Variants in EPB41L5 observed in about 807,000 individuals in gnomAD.
EPB41L5 encodes the protein erythrocyte membrane protein band 4.1 like 5.
In EPB41L5, 55 loss-of-function variants were observed where a neutral mutation model predicts 106.6. That is an observed-to-expected ratio of 0.52 (90% CI 0.42 to 0.65). EPB41L5 has a LOEUF of 0.65. EPB41L5 is among the 30% of genes least tolerant of loss of function. EPB41L5 has a pLI of 0.00. For missense variants in EPB41L5, 871 were observed against 882.1 expected (o/e 0.99, Z 0.16); for synonymous variants, 297 against 306.7 (o/e 0.97, Z 0.33).
intron 3 of EPB41L5, among the ~76,000 whole-genome samples, chr2:120,070,833 C>T (rs1450660960): frequency 6.6e-6 from 1 of 151,904 alleles, no homozygotes; most frequent in African/African-American, 2.4e-5. Context: ...TGATAGAAAA[C>T]ATCTCAAAAT....
chr2:120,052,024 A>C (rs542112914), intron 3 of EPB41L5, among the ~76,000 whole-genome samples: 1 of 151,990 alleles, frequency 6.6e-6, no homozygotes, highest in Non-Finnish European at 1.5e-5. Flanking sequence ...ACAGGGTTTC[A>C]CCACATTGGC....
intron 18 of EPB41L5, among the ~76,000 whole-genome samples, chr2:120,141,231 G>T (rs2105490356): frequency 6.6e-6 from 1 of 152,232 alleles, no homozygotes; most frequent in South Asian, 2.1e-4. Context: ...CGAGTGGAAT[G>T]ACAAGTTCTT....
At chr2:120,063,380 G>T (rs1378751881) in intron 3 of EPB41L5, among the ~76,000 whole-genome samples, 4 of 147,990 alleles carry the variant, frequency 2.7e-5, no homozygotes, top group Non-Finnish European at 4.5e-5. Flanking sequence ...GTGTAAAAAT[G>T]ACCATCAAAA....
chr2:120,021,317 G>A (rs1412890735), intron 2 of EPB41L5, among the ~76,000 whole-genome samples: 1 of 150,914 alleles, frequency 6.6e-6, no homozygotes, highest in African/African-American at 2.4e-5. Flanking sequence ...TCCAGTCTGG[G>A]TGACAGCAAG....
intron 21 of EPB41L5, among the ~76,000 whole-genome samples, chr2:120,164,412 A>G (rs1455678839): frequency 6.6e-6 from 1 of 151,682 alleles, no homozygotes; most frequent in African/African-American, 2.4e-5. Context: ...AGGTCTCACT[A>G]TATTGCCCAG....
intron 19 of EPB41L5, among the ~76,000 whole-genome samples, chr2:120,143,494 G>A (rs1443871324): frequency 6.6e-6 from 1 of 152,184 alleles, no homozygotes; most frequent in African/African-American, 2.4e-5. Flanking sequence ...ACAAGGTGAA[G>A]AGTTGGCTGT....
intron 4 of EPB41L5, 91 bp from the exon 5 acceptor site, chr2:120,074,009 C>A: frequency 1.1e-6 from 1 of 926,306 alleles, no homozygotes; most frequent in South Asian, 1.7e-5. Flanking sequence ...TCTTTTGTCT[C>A]ACTTCAGTAG....
intron 6 of EPB41L5, 82 bp downstream of exon 6, chr2:120,075,602 A>G (rs1315606854): frequency 7.0e-7 from 1 of 1,423,066 alleles, no homozygotes; most frequent in Non-Finnish European, 9.9e-7. Flanking sequence ...TATAGTTGTA[A>G]AAAAGAAATG....
rs1004563231 is a variant in EPB41L5, at chr2:120,013,246, G to C, written c.-9+36G>C. The C allele has an allele frequency of 2.6e-5, 4 of 152,508 alleles. No homozygotes were observed. In the South Asian group the frequency reaches 6.2e-4, roughly 24 times the overall value. 9.4% of individuals were successfully genotyped at this position (152,508 alleles called of 1,614,324 possible). A position where few individuals can be genotyped will look rare whatever the true frequency, so the allele number is the denominator to read the frequency against. ...GGCCCGGCGGCGGCGCCGCAGTACA[G>C]TCCGCTGCGCTCCTAGCCGAGTGGA... On this transcript the variant is annotated intron_variant, in intron 1 of 24. Coordinates refer to ENST00000263713, the MANE Select transcript of EPB41L5 (RefSeq NM_020909.4).
In EPB41L5 at chr2:120,175,118, G is replaced by T. The variant is rs1687876161; in HGVS notation, c.*211G>T. On this transcript the variant is annotated 3_prime_UTR_variant, in exon 25 of 25. Coordinates refer to ENST00000263713, the MANE Select transcript of EPB41L5 (RefSeq NM_020909.4). ...CATAGCTGCCCAAAAGAGAGTGTTTGGTCTTGAACTTTCTATACTTTTATA... is the reference window on the plus strand; with the variant it reads ...CATAGCTGCCCAAAAGAGAGTGTTTTGTCTTGAACTTTCTATACTTTTATA... 1.8e-6 allele frequency: 1 copy of T among 548,556 alleles called. No individual in the cohort carries two copies. The highest frequency in any genetic ancestry group is 2.4e-5 in the South Asian group (1 of 41,942). 34.0% of individuals were successfully genotyped at this position (548,556 alleles called of 1,614,324 possible). A position where few individuals can be genotyped will look rare whatever the true frequency, so the allele number is the denominator to read the frequency against.
At chr2:120,158,020 G>A (rs1321327997) in intron 20 of EPB41L5, among the ~76,000 whole-genome samples, 1 of 151,956 alleles carries the variant, frequency 6.6e-6, no homozygotes. Context: ...TAAATTCCTG[G>A]ACACACACAC....
At chr2:120,123,646 C>CT (rs869296989) in intron 16 of EPB41L5, among the ~76,000 whole-genome samples, 18,071 of 68,288 alleles carry the variant, frequency 0.26, 6,256 homozygotes, top group East Asian at 0.56. Flanking sequence ...GTGTTCGTCC[C>CT]TTTTTTTTTT....
intron 10 of EPB41L5, among the ~76,000 whole-genome samples, chr2:120,081,320 T>C (rs1682646557): frequency 6.6e-6 from 1 of 152,230 alleles, no homozygotes; most frequent in South Asian, 2.1e-4. Context: ...TTCAGCTTTC[T>C]ACATACGGCT....
rs556695153 is a variant in EPB41L5 at position 120,146,222 on chromosome 2, T to C, written c.1729-3T>C. On this transcript the variant is annotated splice_region_variant and splice_polypyrimidine_tract_variant and intron_variant, in intron 19 of 24. Transcript: ENST00000263713. ...TACTTTTTTTAATATTTCATTTTCTTAGGTTACAAAAGAAGATAGCTTATT... is the reference window on the plus strand; with the variant it reads ...TACTTTTTTTAATATTTCATTTTCTCAGGTTACAAAAGAAGATAGCTTATT... The C allele has an allele frequency of 1.1e-5, 17 of 1,571,964 alleles. No homozygotes were observed. The highest frequency in any genetic ancestry group is 8.9e-5 in the South Asian group (8 of 89,462).
At chr2:120,097,949 A>C (rs1476033735) in intron 14 of EPB41L5, among the ~76,000 whole-genome samples, 1 of 152,174 alleles carries the variant, frequency 6.6e-6, no homozygotes, top group African/African-American at 2.4e-5. Context: ...AGTTATTTCT[A>C]GTTAAAGGAA....
At position 120,156,794 on chromosome 2, in the gene EPB41L5, T is replaced by C. The variant is rs184539577; in HGVS notation, c.1794-4087T>C. ...GGAGCACCCAGACTCGGAAAGCAAGTTCTTAGAGACCTTCAAATAGACTTA... is the reference window on the plus strand; with the variant it reads ...GGAGCACCCAGACTCGGAAAGCAAGCTCTTAGAGACCTTCAAATAGACTTA... On this transcript the variant is annotated intron_variant, in intron 20 of 24. Transcript: ENST00000263713. Among the ~76,000 whole-genome samples the C allele has an allele frequency of 1.9e-3, 285 of 152,304 alleles. 1 individual carries two copies. Among genetic ancestry groups the C allele is most frequent in the African/African-American group, 6.5e-3 (269 of 41,568 alleles).
At chr2:120,141,414 A>G (rs547709616) in intron 18 of EPB41L5, among the ~76,000 whole-genome samples, 146 of 151,786 alleles carry the variant, frequency 9.6e-4, no homozygotes, top group African/African-American at 3.4e-3. Context: ...GAAGGCTTGG[A>G]TAGATTGGAA....
intron 3 of EPB41L5, among the ~76,000 whole-genome samples, chr2:120,063,307 G>A (rs1054040439): frequency 2.8e-5 from 4 of 145,404 alleles, no homozygotes; most frequent in Admixed American, 2.1e-4. Context: ...GCACCACTGC[G>A]CTCTAGCCTG....
At position 120,178,493 on chromosome 2, in the gene EPB41L5, A is replaced by G. The variant is rs530589921; in HGVS notation, c.*3586A>G. 6.2e-4 allele frequency: 95 copies of G among 152,130 alleles called. No homozygotes were observed. Among genetic ancestry groups the G allele is most frequent in the African/African-American group, 2.3e-3 (95 of 41,488 alleles). 9.4% of individuals were successfully genotyped at this position (152,130 alleles called of 1,614,324 possible). A position where few individuals can be genotyped will look rare whatever the true frequency, so the allele number is the denominator to read the frequency against. ...AGTTCCCACCAACTTTTAATTATTC[A>G]TGCCCTTGACCATGTGGTTGCTTGG... is the stretch of plus-strand genomic sequence containing the variant. On this transcript the variant is annotated 3_prime_UTR_variant, in exon 25 of 25. Coordinates refer to ENST00000263713, the MANE Select transcript of EPB41L5 (RefSeq NM_020909.4).
Sources: gnomAD v4.1 joint callset for allele counts (sites outside exome capture counted in the v4.1 genomes callset) on GRCh38, gnomAD v4.1.1 for gene constraint, MANE v1.5 for transcripts, NCBI Gene and HGNC (gene_info 2026-07-23, HGNC 2026-07-21) for gene names.